Variants in ASIC2 observed in about 807,000 individuals in gnomAD.
ASIC2 encodes acid-sensing ion channel 2.
A neutral mutation model predicts 57.3 loss-of-function variants in ASIC2; 25 were observed. The observed-to-expected ratio is 0.44, with a 90% confidence interval of 0.32 to 0.61. The LOEUF is 0.61. Ranked by LOEUF, ASIC2 falls within the 20% of genes least tolerant of loss-of-function variation. The pLI, the probability that ASIC2 is intolerant of heterozygous loss-of-function variation, is 0.06. For missense variants in ASIC2, 641 were observed against 738.1 expected (o/e 0.87, Z 1.52); for synonymous variants, 319 against 307.5 (o/e 1.04, Z -0.39).
intron 1 of ASIC2, among the ~76,000 whole-genome samples, chr17:33,490,678 C>A (rs554902779): frequency 1.3e-5 from 2 of 152,338 alleles, no homozygotes; most frequent in East Asian, 1.9e-4. Context: ...GAGGCCTCCC[C>A]AGCCACGTGG....
chr17:33,412,205 A>G (rs1910687961), intron 1 of ASIC2, among the ~76,000 whole-genome samples: 1 of 152,214 alleles, frequency 6.6e-6, no homozygotes, highest in African/African-American at 2.4e-5. Flanking sequence ...AAAAGAAAGG[A>G]GAGAAGAGTT....
At chr17:33,842,263 T>C (rs1913459906) in intron 1 of ASIC2, among the ~76,000 whole-genome samples, 1 of 152,106 alleles carries the variant, frequency 6.6e-6, no homozygotes, top group Non-Finnish European at 1.5e-5. Flanking sequence ...GTACAGCCCA[T>C]GTTCCATGGG....
Position 33,292,838 on chromosome 17 carries a change from CAAGTCCTGCGCCT to C in ASIC2, c.-736_-724del, listed in dbSNP as rs1225735001. On this transcript the variant is annotated 5_prime_UTR_variant, in exon 1 of 10. Transcript: ENST00000225823. ...CGGCAGAGACCTGCTTAGGCTTCCCCAAGTCCTGCGCCTAAGTCCTGCCAGGCGCCCGCTCTCG... is the reference window on the plus strand; with the variant it reads ...CGGCAGAGACCTGCTTAGGCTTCCCCAAGTCCTGCCAGGCGCCCGCTCTCG... The C allele has an allele frequency of 2.0e-6, 2 of 985,474 alleles. No homozygotes were observed. Among genetic ancestry groups the C allele is most frequent in the South Asian group, 4.7e-5 (1 of 21,296 alleles). The allele number at this position is 985,474 out of a possible 1,614,324, so 61.0% of individuals were successfully genotyped here. A position where few individuals can be genotyped will look rare whatever the true frequency, so the allele number is the denominator to read the frequency against.
chr17:33,944,276 G>A (rs1916257555), intron 1 of ASIC2, among the ~76,000 whole-genome samples: 1 of 152,234 alleles, frequency 6.6e-6, no homozygotes, highest in African/African-American at 2.4e-5. Context: ...GACCCATAGG[G>A]TCTGAGCTTT....
At chr17:33,094,398 G>A (rs958130854) in intron 2 of ASIC2, among the ~76,000 whole-genome samples, 16 of 152,168 alleles carry the variant, frequency 1.1e-4, no homozygotes, top group Non-Finnish European at 2.4e-4. Context: ...TTCCGAGGGG[G>A]TGGTAACGGC....
At chr17:33,032,666 C>G (rs1178101898) in intron 3 of ASIC2, among the ~76,000 whole-genome samples, 1 of 152,092 alleles carries the variant, frequency 6.6e-6, no homozygotes, top group Non-Finnish European at 1.5e-5. Context: ...CCAGGCTTGT[C>G]TCAAACTCCT....
intron 1 of ASIC2, among the ~76,000 whole-genome samples, chr17:33,267,949 G>A (rs574331603): frequency 6.6e-6 from 1 of 152,284 alleles, no homozygotes; most frequent in African/African-American, 2.4e-5. Context: ...TTGGTCACAA[G>A]ATCTTAATTT....
chr17:33,164,588 A>ACG (rs1905254782), intron 1 of ASIC2, among the ~76,000 whole-genome samples: 6 of 151,698 alleles, frequency 4.0e-5, no homozygotes, highest in Admixed American at 1.3e-4. Flanking sequence ...ACACACACAC[A>ACG]CACACACACA....
intron 1 of ASIC2, among the ~76,000 whole-genome samples, chr17:33,441,781 T>C (rs1911831323): frequency 6.6e-6 from 1 of 152,194 alleles, no homozygotes; most frequent in Non-Finnish European, 1.5e-5. Flanking sequence ...ATACCCCTTT[T>C]GTCCAATCAT....
chr17:33,609,595 A>T (rs1300484528), intron 1 of ASIC2, among the ~76,000 whole-genome samples: 1 of 152,126 alleles, frequency 6.6e-6, no homozygotes, highest in Non-Finnish European at 1.5e-5. Flanking sequence ...CTCCCCTGAA[A>T]TTCCCTCCCT....
intron 1 of ASIC2, among the ~76,000 whole-genome samples, chr17:33,722,893 C>T (rs1204161409): frequency 2.0e-5 from 3 of 152,138 alleles, no homozygotes; most frequent in African/African-American, 2.4e-5. Flanking sequence ...ACTATAAACT[C>T]CAAGAATGGT....
chr17:34,118,860 T>C (rs1911508239), intron 1 of ASIC2: 1 of 152,306 alleles, frequency 6.6e-6, no homozygotes, highest in African/African-American at 2.4e-5. Flanking sequence ...CTGGAGCAGC[T>C]TCAAGTGGCC....
intron 1 of ASIC2, among the ~76,000 whole-genome samples, chr17:33,606,282 A>G (rs371021610): frequency 9.2e-5 from 14 of 152,202 alleles, no homozygotes; most frequent in African/African-American, 3.1e-4. Context: ...TTTCACTTCT[A>G]TTGAACTCTT....
At chr17:33,234,685 C>A (rs2142112083) in intron 1 of ASIC2, among the ~76,000 whole-genome samples, 2 of 152,304 alleles carry the variant, frequency 1.3e-5, no homozygotes, top group South Asian at 4.1e-4. Context: ...GGACTGCTTC[C>A]CATTTCCTAA....
chr17:33,828,726 T>G (rs1287165268), intron 1 of ASIC2, among the ~76,000 whole-genome samples: 1 of 152,236 alleles, frequency 6.6e-6, no homozygotes, highest in Non-Finnish European at 1.5e-5. Flanking sequence ...TATATTCTAT[T>G]TAGTTCCACT....
intron 1 of ASIC2, among the ~76,000 whole-genome samples, chr17:33,403,624 G>A (rs1383948439): frequency 2.0e-5 from 3 of 152,168 alleles, no homozygotes; most frequent in Admixed American, 6.5e-5. Flanking sequence ...GAAAATAATC[G>A]CTCAGACAGG....
intron 3 of ASIC2, among the ~76,000 whole-genome samples, chr17:33,080,967 A>T (rs1269032722): frequency 6.6e-6 from 1 of 152,224 alleles, no homozygotes; most frequent in African/African-American, 2.4e-5. Context: ...TGTAACTGAC[A>T]TCAGGGACCG....
intron 1 of ASIC2, among the ~76,000 whole-genome samples, chr17:33,269,645 T>G: frequency 1.3e-5 from 1 of 76,956 alleles, no homozygotes; most frequent in Admixed American, 1.5e-4. Flanking sequence ...CTTCCTTCCT[T>G]CCTTCCTTCC....
chr17:34,127,183 A>T (rs1446668673), intron 1 of ASIC2, among the ~76,000 whole-genome samples: 1 of 152,188 alleles, frequency 6.6e-6, no homozygotes, highest in Non-Finnish European at 1.5e-5. Context: ...TCTATGTGAA[A>T]GGCCAGGGGG....
Sources: allele counts gnomAD v4.1 joint callset (sites outside exome capture counted in the v4.1 genomes callset), GRCh38; gene constraint gnomAD v4.1.1; transcripts MANE v1.5; gene names NCBI Gene and HGNC (gene_info 2026-07-23, HGNC 2026-07-21).